The following EXOC5 variants were observed in gnomAD, a reference collection of about 807,000 sequenced individuals.
EXOC5 encodes the protein exocyst complex component 5, also known as SEC10-like 1.
EXOC5 carries 17 observed loss-of-function variants against 90.8 expected under a neutral mutation model. The ratio of observed to expected loss-of-function variants is 0.19; its 90% CI spans 0.13 to 0.28. The LOEUF is 0.28. Ranked by LOEUF, EXOC5 falls within the 10% of genes least tolerant of loss-of-function variation. The pLI, the probability that EXOC5 is intolerant of heterozygous loss-of-function variation, is 1.00. For missense variants in EXOC5, 569 were observed against 830.6 expected, an observed-to-expected ratio of 0.69 and a Z score of 3.87; for synonymous variants, 260 against 270.0, an observed-to-expected ratio of 0.96 and a Z score of 0.36.
chr14:57,244,889 G>A (rs1310013277), intron 3 of EXOC5, among the ~76,000 whole-genome samples: 1 of 152,066 alleles, frequency 6.6e-6, no homozygotes, highest in East Asian at 1.9e-4. Flanking sequence ...CCAGCTAGCT[G>A]GGAGGCTGAG....
intron 12 of EXOC5, among the ~76,000 whole-genome samples, chr14:57,228,482 A>C (rs1883379516): frequency 2.0e-5 from 3 of 152,210 alleles, no homozygotes; most frequent in Non-Finnish European, 2.9e-5. Context: ...AGACTGGATA[A>C]AGAAAATGTG....
At chr14:57,244,047 T>A in intron 4 of EXOC5, 118 bp downstream of exon 4, 2 of 665,898 alleles carry the variant, frequency 3.0e-6, no homozygotes, top group African/African-American at 3.6e-5. Flanking sequence ...ATAAAAACTT[T>A]TAATAAGTCA....
At chr14:57,232,954 T>C (rs1883529982) in intron 9 of EXOC5, 2 of 436,804 alleles carry the variant, frequency 4.6e-6, no homozygotes, top group Non-Finnish European at 8.1e-6. Flanking sequence ...TATTTACCTG[T>C]AGAGGATCTT....
chr14:57,244,821 A>AC (rs1427867173), intron 3 of EXOC5, among the ~76,000 whole-genome samples: 7 of 152,132 alleles, frequency 4.6e-5, no homozygotes, highest in Admixed American at 4.6e-4. Context: ...ACATGGTAAA[A>AC]CCCAATCTCT....
At chr14:57,213,972 A>C (rs1446079434) in intron 15 of EXOC5, among the ~76,000 whole-genome samples, 2 of 152,116 alleles carry the variant, frequency 1.3e-5, no homozygotes, top group Non-Finnish European at 2.9e-5. Flanking sequence ...CACCTCAAAA[A>C]ACAAAAACAA....
chr14:57,218,121 TAA>T, intron 14 of EXOC5, 53 bp from the exon 15 acceptor site: 2 of 889,894 alleles, frequency 2.2e-6, no homozygotes, highest in South Asian at 1.5e-5. Context: ...TAATATTTTC[TAA>T]AAGTTTTTCA....
rs1381959119 is a variant in EXOC5, at chr14:57,202,800, T to C, written c.*5809A>G. ...CATGCACACACACACATAATTGGGA[T>C]AGCAAAATGTTCATAGATGCTGTAA... On this transcript the variant is annotated 3_prime_UTR_variant, in exon 18 of 18. Transcript: ENST00000621441. The C allele has an allele frequency of 6.6e-6, 1 of 152,216 alleles. No individual in the cohort carries two copies. The highest frequency in any genetic ancestry group is 1.5e-5 in the Non-Finnish European group (1 of 68,038). 9.4% of individuals were successfully genotyped at this position (152,216 alleles called of 1,614,324 possible).
At chr14:57,258,471 CT>C (rs749687472) in intron 1 of EXOC5, among the ~76,000 whole-genome samples, 2 of 152,182 alleles carry the variant, frequency 1.3e-5, no homozygotes, top group Non-Finnish European at 2.9e-5. Flanking sequence ...ACTGCATGTT[CT>C]CACTCATAAG....
chr14:57,260,623 G>A (rs1884474899), intron 1 of EXOC5, among the ~76,000 whole-genome samples: 1 of 152,100 alleles, frequency 6.6e-6, no homozygotes, highest in Non-Finnish European at 1.5e-5. Context: ...GGTAACAAAT[G>A]TTACAATTCC....
Position 57,201,599 on chromosome 14 carries a change from G to A in EXOC5, c.*7010C>T, listed in dbSNP as rs1184351719. 3 of 135,232 alleles carry A rather than the reference G, an allele frequency of 2.2e-5. No individual in the cohort carries two copies. Among genetic ancestry groups the A allele is most frequent in the Non-Finnish European group, 4.8e-5 (3 of 62,596 alleles). The allele number at this position is 135,232 out of a possible 1,614,324, so 8.4% of individuals were successfully genotyped here. A position where few individuals can be genotyped will look rare whatever the true frequency, so the allele number is the denominator to read the frequency against. On this transcript the variant is annotated 3_prime_UTR_variant, in exon 18 of 18. Transcript: ENST00000621441. ...ATATATATATATATATATATATAAA[G>A]GATGGCTGGTTAAGGTGGCTCACAC...
rs1306875385 is a variant in EXOC5 at position 57,249,696 on chromosome 14, CAAG to C, written c.28-1987_28-1985del. Among the ~76,000 whole-genome samples, 4 of 151,944 alleles carry C rather than the reference CAAG, an allele frequency of 2.6e-5. No individual in the cohort carries two copies. The South Asian group carries it at 6.2e-4, about 24-fold the overall frequency. Reference sequence around the variant, plus strand: ...TAAACGAGCACAAAAAATGATACAGCAAGAAGAACCATGAAGAAAATGAAAGAG... The same window carrying C: ...TAAACGAGCACAAAAAATGATACAGCAAGAACCATGAAGAAAATGAAAGAG... On this transcript the variant is annotated intron_variant, in intron 1 of 17. Coordinates refer to ENST00000621441, the MANE Select transcript of EXOC5 (RefSeq NM_006544.4).
intron 13 of EXOC5, among the ~76,000 whole-genome samples, chr14:57,220,778 T>C (rs183699903): frequency 1.2e-3 from 181 of 152,200 alleles, no homozygotes; most frequent in African/African-American, 4.2e-3. Flanking sequence ...CTGGCCTGGG[T>C]GACAGAGCGA....
At chr14:57,222,674 T>G (rs1276424143) in intron 12 of EXOC5, among the ~76,000 whole-genome samples, 1 of 151,538 alleles carries the variant, frequency 6.6e-6, no homozygotes, top group East Asian at 1.9e-4. Context: ...AATCCAAGTA[T>G]ACTTTCATAA....
At chr14:57,243,755 A>C (rs1883947414) in intron 4 of EXOC5, 1 of 155,002 alleles carries the variant, frequency 6.5e-6, no homozygotes, top group Non-Finnish European at 1.4e-5. Flanking sequence ...AGAAGTTCTG[A>C]ATTCCTTATT....
chr14:57,212,055 G>A (rs2139608932), intron 15 of EXOC5, among the ~76,000 whole-genome samples: 1 of 152,212 alleles, frequency 6.6e-6, no homozygotes, highest in East Asian at 1.9e-4. Flanking sequence ...GTAGAGACAG[G>A]GTCTCACTAT....
rs758507786 is a variant in EXOC5, at chr14:57,237,307, A to T, written c.559+31T>A. On this transcript the variant is annotated intron_variant, in intron 6 of 17. Transcript: ENST00000621441. Reference sequence around the variant, plus strand: ...TACACAAGTAGTTTTTTTACTTATTAAAAAAAAGGTAAAATAAATACATCA... The same window carrying T: ...TACACAAGTAGTTTTTTTACTTATTTAAAAAAAGGTAAAATAAATACATCA... 7.8e-6 allele frequency: 9 copies of T among 1,159,048 alleles called. No individual in the cohort carries two copies. In the South Asian group the frequency reaches 9.8e-5, roughly 13 times the overall value. 71.8% of individuals were successfully genotyped at this position (1,159,048 alleles called of 1,614,324 possible). A position where few individuals can be genotyped will look rare whatever the true frequency, so the allele number is the denominator to read the frequency against.
intron 1 of EXOC5, among the ~76,000 whole-genome samples, chr14:57,260,208 C>G (rs553933289): frequency 6.6e-6 from 1 of 152,102 alleles, no homozygotes; most frequent in South Asian, 2.1e-4. Flanking sequence ...TTATTGAATA[C>G]TGAGTTTTTA....
chr14:57,241,736 A>AC (rs1883863924), intron 4 of EXOC5, among the ~76,000 whole-genome samples: 1 of 152,214 alleles, frequency 6.6e-6, no homozygotes, highest in African/African-American at 2.4e-5. Flanking sequence ...ATAGTTATTG[A>AC]CATTTGGGTG....
chr14:57,246,874 T>G lies in EXOC5; in HGVS notation c.123-16A>C. 1 of 1,476,494 alleles carries G rather than the reference T, an allele frequency of 6.8e-7. No individual in the cohort carries two copies. Among genetic ancestry groups the G allele is most frequent in the Non-Finnish European group, 9.3e-7 (1 of 1,069,750 alleles). The allele number at this position is 1,476,494 out of a possible 1,614,324, so 91.5% of individuals were successfully genotyped here. On this transcript the variant is annotated splice_polypyrimidine_tract_variant and intron_variant, in intron 2 of 17. Coordinates refer to ENST00000621441, the MANE Select transcript of EXOC5 (RefSeq NM_006544.4). ...TTCTAATAATCTAACAGAGGAAAGTTTGAATATGTATCAATCTACCTATTA... is the reference window on the plus strand; with the variant it reads ...TTCTAATAATCTAACAGAGGAAAGTGTGAATATGTATCAATCTACCTATTA...
Sources: allele counts gnomAD v4.1 joint callset (sites outside exome capture counted in the v4.1 genomes callset), GRCh38; gene constraint gnomAD v4.1.1; transcripts MANE v1.5; gene names NCBI Gene and HGNC (gene_info 2026-07-23, HGNC 2026-07-21).